The following SORCS1 variants were observed in gnomAD, a reference collection of about 807,000 sequenced individuals.
SORCS1 encodes sortilin related VPS10 domain containing receptor 1.
Under a neutral mutation model 146.1 loss-of-function variants are expected in SORCS1, and 60 were observed. The ratio of observed to expected loss-of-function variants is 0.41; its 90% CI spans 0.33 to 0.51. SORCS1 has a LOEUF of 0.51. Among genes scored for constraint, SORCS1 ranks in the 20% least tolerant of loss-of-function variants. SORCS1 has a pLI of 0.21. For synonymous variants in SORCS1, 637 were observed against 584.0 expected (o/e 1.09, Z -1.31); for missense variants, 1,352 against 1,487.6 (o/e 0.91, Z 1.50).
At chr10:106,864,971 C>A (rs1208069196) in intron 2 of SORCS1, among the ~76,000 whole-genome samples, 2 of 151,948 alleles carry the variant, frequency 1.3e-5, no homozygotes, top group Non-Finnish European at 2.9e-5. Flanking sequence ...CACTGGCCAA[C>A]AGAGGTTTCA....
intron 2 of SORCS1, among the ~76,000 whole-genome samples, chr10:106,929,376 TG>T (rs1953267150): frequency 6.6e-6 from 1 of 152,154 alleles, no homozygotes; most frequent in African/African-American, 2.4e-5. Flanking sequence ...GGAAAAGACC[TG>T]GGGTATCAGA....
At chr10:107,163,837 G>A in intron 1 of SORCS1, 132 bp downstream of exon 1, 2 of 1,009,218 alleles carry the variant, frequency 2.0e-6, no homozygotes, top group South Asian at 1.7e-5. Context: ...TGGGGGAAGT[G>A]GGCAGAGACC....
At chr10:106,679,159 G>C in intron 12 of SORCS1, 97 bp downstream of exon 12, 2 of 774,786 alleles carry the variant, frequency 2.6e-6, no homozygotes, top group South Asian at 3.4e-5. Context: ...TAGGATTTAT[G>C]TGTAGCACCG....
intron 1 of SORCS1, among the ~76,000 whole-genome samples, chr10:107,018,269 G>A (rs1373729560): frequency 6.6e-6 from 1 of 151,920 alleles, no homozygotes; most frequent in Non-Finnish European, 1.5e-5. Context: ...CTGCCTCCTG[G>A]GTTCATGTCA....
intron 4 of SORCS1, among the ~76,000 whole-genome samples, chr10:106,762,727 G>A (rs1382157591): frequency 2.6e-5 from 4 of 151,868 alleles, no homozygotes; most frequent in East Asian, 1.9e-4. Flanking sequence ...TCATGCCTGG[G>A]GGAGACTGGT....
intron 1 of SORCS1, among the ~76,000 whole-genome samples, chr10:106,966,075 G>A (rs1185927467): frequency 6.6e-6 from 1 of 152,218 alleles, no homozygotes; most frequent in Non-Finnish European, 1.5e-5. Context: ...CGGATCAGGG[G>A]TTCCTGACAG....
chr10:106,614,373 G>A (rs538127750), intron 21 of SORCS1, among the ~76,000 whole-genome samples: 1 of 152,296 alleles, frequency 6.6e-6, no homozygotes, highest in Non-Finnish European at 1.5e-5. Context: ...CAATGCTAAG[G>A]AGTTATCAAA....
chr10:106,689,650 A>C (rs1853146540), intron 9 of SORCS1, among the ~76,000 whole-genome samples: 1 of 152,192 alleles, frequency 6.6e-6, no homozygotes, highest in South Asian at 2.1e-4. Flanking sequence ...TTTTATTTAC[A>C]AAACCTCCAA....
At chr10:106,616,043 G>A (rs7099866) in intron 21 of SORCS1, among the ~76,000 whole-genome samples, 38,492 of 152,096 alleles carry the variant, frequency 0.25, 5,952 homozygotes, top group East Asian at 0.53. Flanking sequence ...GGCTAGCAAA[G>A]TCTTCATCAA....
chr10:106,722,910 G>T (rs1855881545), intron 6 of SORCS1, among the ~76,000 whole-genome samples: 1 of 152,142 alleles, frequency 6.6e-6, no homozygotes, highest in South Asian at 2.1e-4. Flanking sequence ...CCAGTTTCAG[G>T]GAGGTAGTAA....
chr10:107,180,602 C>T, the SORCS1 span, among the ~76,000 whole-genome samples: 1 of 151,902 alleles, frequency 6.6e-6, no homozygotes, highest in African/African-American at 2.4e-5. Flanking sequence ...ATGTTTTCTA[C>T]CATTTTCTGT....
At chr10:106,853,186 G>A (rs1464641798) in intron 2 of SORCS1, among the ~76,000 whole-genome samples, 2 of 152,118 alleles carry the variant, frequency 1.3e-5, no homozygotes, top group African/African-American at 4.8e-5. Flanking sequence ...ATTTTCTTAT[G>A]TGAGTTTTGG....
chr10:106,592,936 G>A (rs1366797727), intron 24 of SORCS1, among the ~76,000 whole-genome samples: 1 of 151,864 alleles, frequency 6.6e-6, no homozygotes, highest in Admixed American at 6.6e-5. Context: ...TCAGGAGTTT[G>A]AGACCAGCCT....
rs571720041 is a variant in SORCS1 at position 106,972,429 on chromosome 10, A to G, written c.559-15849T>C. ...GAATTCCCCTTCTAACTGGATTATC[A>G]CTAATTGACTTTATTTTTGATTTGT... On this transcript the variant is annotated intron_variant, in intron 1 of 25. Coordinates refer to ENST00000263054, the MANE Select transcript of SORCS1 (RefSeq NM_052918.5). 5.3e-5 allele frequency among the ~76,000 whole-genome samples: 8 copies of G among 151,582 alleles called. No homozygotes were observed. The South Asian group carries it at 1.5e-3, about 28-fold the overall frequency.
At chr10:106,602,851 T>C (rs745588184) in intron 23 of SORCS1, among the ~76,000 whole-genome samples, 10 of 152,128 alleles carry the variant, frequency 6.6e-5, no homozygotes, top group Non-Finnish European at 1.3e-4. Flanking sequence ...ATACAGAAAA[T>C]AGAGATTATT....
the SORCS1 span, among the ~76,000 whole-genome samples, chr10:107,169,722 G>A: frequency 6.6e-6 from 1 of 152,124 alleles, no homozygotes; most frequent in Non-Finnish European, 1.5e-5. Flanking sequence ...GTATCTTACA[G>A]AATACAAATA....
intron 1 of SORCS1, among the ~76,000 whole-genome samples, chr10:107,065,466 C>CCCCCT (rs1961712774): frequency 1.7e-5 from 1 of 58,976 alleles, no homozygotes; most frequent in African/African-American, 6.5e-5. Context: ...CTTTCTCTCT[C>CCCCCT]CCTCTCCTCT....
At chr10:106,725,698 A>T (rs1316403569) in intron 6 of SORCS1, among the ~76,000 whole-genome samples, 1 of 152,022 alleles carries the variant, frequency 6.6e-6, no homozygotes, top group Non-Finnish European at 1.5e-5. Flanking sequence ...TGAGAGGCAG[A>T]GGCAGGCGGA....
chr10:106,646,212 A>C (rs147303628), intron 18 of SORCS1, among the ~76,000 whole-genome samples: 7 of 152,080 alleles, frequency 4.6e-5, no homozygotes, highest in African/African-American at 1.7e-4. Flanking sequence ...AGATCATGCC[A>C]CTTGCACTTC....
Sources: gnomAD v4.1 joint callset for allele counts (sites outside exome capture counted in the v4.1 genomes callset) on GRCh38, gnomAD v4.1.1 for gene constraint, MANE v1.5 for transcripts, NCBI Gene and HGNC (gene_info 2026-07-23, HGNC 2026-07-21) for gene names.